UHRF2: variants seen among roughly 807,000 people sequenced by gnomAD.
UHRF2 encodes E3 ubiquitin-protein ligase UHRF2.
Under a neutral mutation model 96.8 loss-of-function variants are expected in UHRF2, and 23 were observed. That is an observed-to-expected ratio of 0.24 (90% CI 0.17 to 0.34). The LOEUF (loss-of-function observed/expected upper bound fraction) is 0.34. Among genes scored for constraint, UHRF2 ranks in the 10% least tolerant of loss-of-function variants. The pLI is 1.00. For missense variants in UHRF2, 685 were observed against 981.5 expected (o/e 0.70, Z 4.04); for synonymous variants, 385 against 332.6 (o/e 1.16, Z -1.72).
At chr9:6,435,839 C>A (rs1408210294) in intron 3 of UHRF2, among the ~76,000 whole-genome samples, 1 of 151,952 alleles carries the variant, frequency 6.6e-6, no homozygotes, top group African/African-American at 2.4e-5. Flanking sequence ...GAACTCCTGA[C>A]CTCAAGTGAT....
chr9:6,490,507 A>C (rs1043774214), intron 9 of UHRF2, among the ~76,000 whole-genome samples: 1 of 152,198 alleles, frequency 6.6e-6, no homozygotes, highest in South Asian at 2.1e-4. Flanking sequence ...GCATGCCTGT[A>C]ATCCCAGCTA....
intron 10 of UHRF2, chr9:6,494,238 A>C: frequency 3.7e-6 from 1 of 271,576 alleles, no homozygotes; most frequent in East Asian, 7.5e-5. Context: ...TGGCTTGTCT[A>C]CTACTCCATT....
intron 8 of UHRF2, among the ~76,000 whole-genome samples, chr9:6,483,199 C>A (rs1824030053): frequency 6.6e-6 from 1 of 151,820 alleles, no homozygotes; most frequent in Non-Finnish European, 1.5e-5. Context: ...GTGGCAAGCG[C>A]CTATAATACC....
At chr9:6,470,725 A>G (rs1823195296) in intron 4 of UHRF2, among the ~76,000 whole-genome samples, 1 of 152,226 alleles carries the variant, frequency 6.6e-6, no homozygotes, top group Non-Finnish European at 1.5e-5. Context: ...AAGTAGTGAA[A>G]GTAAAATTTA....
chr9:6,450,651 C>CT (rs1821802713), intron 3 of UHRF2, among the ~76,000 whole-genome samples: 1 of 152,132 alleles, frequency 6.6e-6, no homozygotes, highest in African/African-American at 2.4e-5. Flanking sequence ...GAGATTGATA[C>CT]TTTTAAGTAT....
intron 9 of UHRF2, among the ~76,000 whole-genome samples, chr9:6,488,527 C>G (rs1824451773): frequency 7.0e-6 from 1 of 142,124 alleles, no homozygotes; most frequent in African/African-American, 2.6e-5. Flanking sequence ...CTAATCTTTT[C>G]TCTTTTTCTT....
chr9:6,474,239 A>G (rs1038103285), intron 4 of UHRF2, among the ~76,000 whole-genome samples: 6 of 152,196 alleles, frequency 3.9e-5, no homozygotes, highest in African/African-American at 7.2e-5. Flanking sequence ...ATTTGTGTAT[A>G]TTTGACATTG....
intron 2 of UHRF2, among the ~76,000 whole-genome samples, chr9:6,432,800 G>A (rs1820627876): frequency 6.6e-6 from 1 of 151,830 alleles, no homozygotes; most frequent in Non-Finnish European, 1.5e-5. Flanking sequence ...GAAAGTTGAA[G>A]GAATTTCTCT....
intron 4 of UHRF2, among the ~76,000 whole-genome samples, chr9:6,462,733 A>G (rs1822622568): frequency 6.6e-6 from 1 of 151,480 alleles, no homozygotes; most frequent in Non-Finnish European, 1.5e-5. Context: ...CCTGGCCAAT[A>G]TGGTGAAACC....
At chr9:6,423,180 G>C (rs530330689) in intron 2 of UHRF2, among the ~76,000 whole-genome samples, 87 of 152,300 alleles carry the variant, frequency 5.7e-4, no homozygotes, top group African/African-American at 1.4e-3. Flanking sequence ...TATGTATATA[G>C]AAAGATTAAG....
At chr9:6,462,578 A>G (rs192417923) in intron 4 of UHRF2, among the ~76,000 whole-genome samples, 117 of 152,326 alleles carry the variant, frequency 7.7e-4, no homozygotes, top group Middle Eastern at 3.4e-3. Context: ...TGTACACAGT[A>G]GGATAACAGC....
chr9:6,457,844 A>G (rs543298962), intron 3 of UHRF2, among the ~76,000 whole-genome samples: 89 of 152,332 alleles, frequency 5.8e-4, no homozygotes, highest in African/African-American at 2.1e-3. Flanking sequence ...CTTGCATCCC[A>G]GGGATGAAGC....
At chr9:6,477,412 G>C (rs527391001) in intron 5 of UHRF2, among the ~76,000 whole-genome samples, 2 of 151,966 alleles carry the variant, frequency 1.3e-5, no homozygotes, top group African/African-American at 4.8e-5. Flanking sequence ...TGTAATCCCA[G>C]CTACTCGAGA....
At position 6,485,655 on chromosome 9, in the gene UHRF2, C is replaced by T. The variant is rs116209760; in HGVS notation, c.1393-1166C>T. On this transcript the variant is annotated intron_variant, in intron 8 of 15. Coordinates refer to ENST00000276893, the MANE Select transcript of UHRF2 (RefSeq NM_152896.3). ...TATTGTGCAAGCTTGAATTCAGTTT[C>T]CTTTACTCTGCTAAGAACAATTGTA... Among the ~76,000 whole-genome samples, 785 of 134,694 alleles carry T rather than the reference C, an allele frequency of 5.8e-3. 5 individuals are homozygous for T. The highest frequency in any genetic ancestry group is 0.019 in the African/African-American group (708 of 36,906). 88.4% of individuals were successfully genotyped at this position (134,694 alleles called of 152,430 possible).
At chr9:6,465,059 TTTC>T (rs1236551050) in intron 4 of UHRF2, among the ~76,000 whole-genome samples, 1 of 152,196 alleles carries the variant, frequency 6.6e-6, no homozygotes, top group African/African-American at 2.4e-5. Context: ...TTACTTTTGA[TTTC>T]TTCTTCTTGT....
intron 4 of UHRF2, 34 bp downstream of exon 4, chr9:6,460,825 C>CCT: frequency 3.8e-6 from 6 of 1,562,406 alleles, no homozygotes; most frequent in African/African-American, 1.4e-5. Flanking sequence ...ATTTAATTAA[C>CCT]TGAATTGATC....
chr9:6,499,820 C>CT lies in UHRF2; in HGVS notation c.1909-14dup. ...TTAAATCTGCATTGTACTCTCCCTC[C>CT]TCCCCCCCCATCAGTATCCAGCAGG... On this transcript the variant is annotated splice_polypyrimidine_tract_variant and intron_variant, in intron 12 of 15. Transcript: ENST00000276893. 1.1e-5 allele frequency: 17 copies of CT among 1,564,852 alleles called. No individual in the cohort carries two copies. Among genetic ancestry groups the CT allele is most frequent in the Non-Finnish European group, 1.5e-5 (17 of 1,154,936 alleles).
chr9:6,468,425 C>G, intron 4 of UHRF2: 1 of 456,086 alleles, frequency 2.2e-6, no homozygotes, highest in Non-Finnish European at 4.4e-6. Context: ...ATAGTCATCT[C>G]TTTGAATGCA....
chr9:6,477,535 T>A, intron 5 of UHRF2, 87 bp from the exon 6 acceptor site: 1 of 1,289,888 alleles, frequency 7.8e-7, no homozygotes, highest in South Asian at 1.6e-5. Flanking sequence ...TCAAAAAAAA[T>A]GCTGTTTCCA....
Sources: gnomAD v4.1 joint callset for allele counts (sites outside exome capture counted in the v4.1 genomes callset) on GRCh38, gnomAD v4.1.1 for gene constraint, MANE v1.5 for transcripts, NCBI Gene and HGNC (gene_info 2026-07-23, HGNC 2026-07-21) for gene names.